Variants in ANO1 observed in about 807,000 individuals in gnomAD.
ANO1 encodes anoctamin 1.
Under a neutral mutation model 124.0 loss-of-function variants are expected in ANO1, and 59 were observed. The observed-to-expected ratio is 0.48, with a 90% CI of 0.39 to 0.59. The LOEUF (loss-of-function observed/expected upper bound fraction) is 0.59. Among genes scored for constraint, ANO1 ranks in the 20% least tolerant of loss-of-function variants. The pLI is 0.00. For missense variants in ANO1, 1,059 were observed against 1,328.0 expected, an observed-to-expected ratio of 0.80 and a Z score of 3.15; for synonymous variants, 529 against 532.0, an observed-to-expected ratio of 0.99 and a Z score of 0.08.
At chr11:70,094,659 A>T (rs2044769442) in intron 2 of ANO1, among the ~76,000 whole-genome samples, 1 of 152,314 alleles carries the variant, frequency 6.6e-6, no homozygotes, top group East Asian at 1.9e-4. Flanking sequence ...GAGACTCTGC[A>T]CTAAAACTTG....
chr11:70,168,007 C>G (rs552209310), intron 21 of ANO1, among the ~76,000 whole-genome samples: 1 of 152,190 alleles, frequency 6.6e-6, no homozygotes, highest in Non-Finnish European at 1.5e-5. Flanking sequence ...ACAGAGCAGG[C>G]GTCTCAAAGG....
At chr11:70,094,216 C>G (rs1352372847) in intron 2 of ANO1, among the ~76,000 whole-genome samples, 1 of 152,094 alleles carries the variant, frequency 6.6e-6, no homozygotes, top group Non-Finnish European at 1.5e-5. Flanking sequence ...GAAGGGTCTC[C>G]CTGCATGTGG....
chr11:70,061,599 G>A (rs1396612372), intron 1 of ANO1, among the ~76,000 whole-genome samples: 3 of 151,144 alleles, frequency 2.0e-5, no homozygotes, highest in Admixed American at 2.0e-4. Flanking sequence ...GTCTGCCTTG[G>A]TTTTCTTCCA....
At chr11:69,980,407 A>T in the ANO1 span, among the ~76,000 whole-genome samples, 1 of 151,990 alleles carries the variant, frequency 6.6e-6, no homozygotes, top group Admixed American at 6.6e-5. Flanking sequence ...GTGGGTCATG[A>T]GGTCAGATCG....
chr11:70,071,631 T>A (rs58366248), intron 1 of ANO1, among the ~76,000 whole-genome samples: 6 of 145,924 alleles, frequency 4.1e-5, no homozygotes, highest in South Asian at 2.2e-4. Context: ...TTTTTTTTTT[T>A]AATTTTTTTT....
At chr11:70,082,736 C>T (rs1048113977) in intron 1 of ANO1, among the ~76,000 whole-genome samples, 1 of 152,070 alleles carries the variant, frequency 6.6e-6, no homozygotes, top group East Asian at 1.9e-4. Context: ...ACATCTTTGC[C>T]TTTTTGTCCC....
At chr11:70,145,521 C>A (rs2047336146) in intron 11 of ANO1, among the ~76,000 whole-genome samples, 1 of 152,162 alleles carries the variant, frequency 6.6e-6, no homozygotes, top group Admixed American at 6.5e-5. Context: ...ACCCTCCACC[C>A]CACCCCCAGC....
intron 2 of ANO1, among the ~76,000 whole-genome samples, chr11:70,098,014 G>A (rs2509148): frequency 0.61 from 92,357 of 152,094 alleles, 28,080 homozygotes; most frequent in Middle Eastern, 0.71. Flanking sequence ...GGCACTGGGC[G>A]TCACATGCCC....
At chr11:70,145,191 A>G (rs1326852933) in intron 11 of ANO1, among the ~76,000 whole-genome samples, 1 of 152,158 alleles carries the variant, frequency 6.6e-6, no homozygotes, top group African/African-American at 2.4e-5. Context: ...ACTGCTCACA[A>G]TGCCAGCTTT....
At chr11:70,186,620 G>C (rs1010691297) in intron 25 of ANO1, among the ~76,000 whole-genome samples, 1 of 152,130 alleles carries the variant, frequency 6.6e-6, no homozygotes, top group East Asian at 1.9e-4. Context: ...GGGACCCCAG[G>C]CTAGGGTGCC....
chr11:70,124,812 G>A (rs1279015101), intron 9 of ANO1, among the ~76,000 whole-genome samples: 1 of 152,208 alleles, frequency 6.6e-6, no homozygotes, highest in Non-Finnish European at 1.5e-5. Context: ...GGCCGACCAG[G>A]TTAGGCAACT....
intron 1 of ANO1, among the ~76,000 whole-genome samples, chr11:70,066,455 G>A (rs1173173901): frequency 1.3e-5 from 2 of 152,200 alleles, no homozygotes; most frequent in Non-Finnish European, 2.9e-5. Context: ...CAGGGACAGA[G>A]GGGGAGGAGG....
intron 2 of ANO1, among the ~76,000 whole-genome samples, chr11:70,099,103 G>T (rs1305008044): frequency 9.9e-5 from 15 of 152,106 alleles, no homozygotes. Flanking sequence ...CCCCACGGCC[G>T]TGGCTCTCGA....
chr11:70,127,877 G>A (rs187042420), intron 10 of ANO1, among the ~76,000 whole-genome samples: 374 of 152,334 alleles, frequency 2.5e-3, no homozygotes, highest in African/African-American at 8.5e-3. Flanking sequence ...AAATCGCTCT[G>A]CCAGGGAATT....
intron 7 of ANO1, among the ~76,000 whole-genome samples, chr11:70,115,653 T>C (rs1173186340): frequency 1.3e-5 from 2 of 151,074 alleles, no homozygotes; most frequent in Non-Finnish European, 3.0e-5. Context: ...CAAAAAAAAC[T>C]ATTAGCCAGG....
chr11:70,037,802 G>A lies in ANO1; in HGVS notation c.59-40740G>A, dbSNP rs782723626. ...CAAGTAGTTTACCACATAGTCATTT[G>A]ACTCTCACATCAACCCCTGGGATGA... is the stretch of plus-strand genomic sequence containing the variant. On this transcript the variant is annotated intron_variant, in intron 1 of 27. Transcript: ENST00000531349. Among the ~76,000 whole-genome samples, 13 of 152,176 alleles carry A rather than the reference G, an allele frequency of 8.5e-5. No homozygotes were observed. In the East Asian group the frequency reaches 2.3e-3, roughly 27 times the overall value.
chr11:70,077,016 G>T (rs1259176428), upstream of ANO1, among the ~76,000 whole-genome samples: 1 of 152,220 alleles, frequency 6.6e-6, no homozygotes, highest in African/African-American at 2.4e-5. Flanking sequence ...AGGCTGGAAG[G>T]TGCCAGAGCT....
intron 10 of ANO1, among the ~76,000 whole-genome samples, 162 bp downstream of exon 10, chr11:70,126,357 G>A (rs1405645608): frequency 1.3e-5 from 2 of 152,204 alleles, no homozygotes; most frequent in African/African-American, 4.8e-5. Context: ...GACATGGTTC[G>A]AAGCCATCTA....
intron 1 of ANO1, among the ~76,000 whole-genome samples, chr11:70,032,089 T>C (rs1857012079): frequency 6.6e-6 from 1 of 152,082 alleles, no homozygotes; most frequent in African/African-American, 2.4e-5. Context: ...AAGCTTGCAG[T>C]CCAGGGAGGA....
Sources: gnomAD v4.1 joint callset for allele counts (sites outside exome capture counted in the v4.1 genomes callset) on GRCh38, gnomAD v4.1.1 for gene constraint, MANE v1.5 for transcripts, NCBI Gene and HGNC (gene_info 2026-07-23, HGNC 2026-07-21) for gene names.